Variants in PTK2B observed in about 807,000 individuals in gnomAD.
PTK2B encodes the protein protein tyrosine kinase 2 beta.
Under a neutral mutation model 142.9 loss-of-function variants are expected in PTK2B, and 71 were observed. The observed-to-expected ratio is 0.50, with a 90% CI of 0.41 to 0.61. PTK2B has a LOEUF of 0.61. PTK2B is among the 20% of genes least tolerant of loss of function. The pLI, the probability that PTK2B is intolerant of heterozygous loss-of-function variation, is 0.00. For missense variants in PTK2B, 1,105 were observed against 1,320.4 expected (o/e 0.84, Z 2.53); for synonymous variants, 519 against 503.4 (o/e 1.03, Z -0.42).
At chr8:27,335,316 A>G (rs1266625375) in intron 1 of PTK2B, among the ~76,000 whole-genome samples, 1 of 152,208 alleles carries the variant, frequency 6.6e-6, no homozygotes, top group East Asian at 1.9e-4. Flanking sequence ...TTCAGGGCCA[A>G]TTGCAGTGAC....
intron 1 of PTK2B, among the ~76,000 whole-genome samples, chr8:27,338,882 A>G (rs1275491796): frequency 6.6e-6 from 1 of 152,244 alleles, no homozygotes; most frequent in Non-Finnish European, 1.5e-5. Flanking sequence ...GGACTCATGA[A>G]TGAATGAACA....
At chr8:27,430,458 C>A in intron 7 of PTK2B, 40 bp downstream of exon 7, 1 of 1,609,516 alleles carries the variant, frequency 6.2e-7, no homozygotes, top group Non-Finnish European at 8.5e-7. Context: ...CGTGCTGATT[C>A]CCGAGACTAG....
Position 27,440,416 on chromosome 8 carries a change from T to C in PTK2B, c.2014T>C (p.Phe672Leu). The C allele has an allele frequency of 1.2e-6, 2 of 1,613,972 alleles. No homozygotes were observed. The highest frequency in any genetic ancestry group is 1.7e-6 in the Non-Finnish European group (2 of 1,180,010). Reference protein sequence around the residue: ...WDYDPSDRPRFTELVCSLSDV... With the variant: ...WDYDPSDRPRLTELVCSLSDV... ...CTACGACCCCAGTGACCGGCCCCGC[T>C]TCACCGAGCTGGTGTGCAGCCTCAG... is the stretch of plus-strand genomic sequence containing the variant. Residue 672 changes from phenylalanine (F) to leucine (L), a missense_variant, in exon 21 of 31, where the codon TTC becomes CTC. Coordinates refer to ENST00000346049, the MANE Select transcript of PTK2B (RefSeq NM_173176.3).
chr8:27,343,972 C>T (rs1418810204), intron 1 of PTK2B, among the ~76,000 whole-genome samples: 5 of 152,014 alleles, frequency 3.3e-5, no homozygotes, highest in South Asian at 2.1e-4. Flanking sequence ...CACTGCACTC[C>T]AGCCTGGATG....
At chr8:27,373,481 T>C (rs1806481538) in intron 1 of PTK2B, among the ~76,000 whole-genome samples, 1 of 152,104 alleles carries the variant, frequency 6.6e-6, no homozygotes, top group Non-Finnish European at 1.5e-5. Context: ...AGAGGACCCG[T>C]TGCTCCTCCC....
chr8:27,454,119 C>A, intron 28 of PTK2B, 35 bp from the exon 29 acceptor site: 2 of 1,613,572 alleles, frequency 1.2e-6, no homozygotes, highest in Non-Finnish European at 1.7e-6. Flanking sequence ...CCCTGGCTCT[C>A]CCCAACTCAC....
chr8:27,446,380 C>G (rs1811470811), intron 24 of PTK2B, among the ~76,000 whole-genome samples: 1 of 152,164 alleles, frequency 6.6e-6, no homozygotes, highest in Non-Finnish European at 1.5e-5. Flanking sequence ...GTTCAGGCTG[C>G]TGCTGGGTGA....
At chr8:27,427,198 A>T (rs868729702) in intron 5 of PTK2B, among the ~76,000 whole-genome samples, 1 of 152,122 alleles carries the variant, frequency 6.6e-6, no homozygotes, top group Non-Finnish European at 1.5e-5. Context: ...TGTCCTCTAC[A>T]TACATAGGAA....
At chr8:27,350,482 C>G (rs1332170110) in intron 1 of PTK2B, among the ~76,000 whole-genome samples, 1 of 152,136 alleles carries the variant, frequency 6.6e-6, no homozygotes, top group Admixed American at 6.5e-5. Context: ...ATATCTATTT[C>G]AATAACCTTT....
At position 27,430,866 on chromosome 8, in the gene PTK2B, C is replaced by T. The variant is rs1330263257; in HGVS notation, c.670-10C>T. The T allele has an allele frequency of 2.5e-6, 4 of 1,612,954 alleles. No individual in the cohort carries two copies. The highest frequency in any genetic ancestry group is 1.7e-5 in the Admixed American group (1 of 59,966). On this transcript the variant is annotated splice_polypyrimidine_tract_variant and intron_variant, in intron 7 of 30. Transcript: ENST00000346049. ...CAGGCATTGCTCACACGGCCCATCC[C>T]CTCCCCCAGCCCAAACAGTTCCGGA...
At chr8:27,326,084 G>T (rs186873424) in intron 1 of PTK2B, among the ~76,000 whole-genome samples, 18 of 152,156 alleles carry the variant, frequency 1.2e-4, no homozygotes, top group Admixed American at 2.6e-4. Context: ...GGGCCCTTCC[G>T]CAGCCCCAGG....
intron 1 of PTK2B, among the ~76,000 whole-genome samples, chr8:27,343,714 C>T (rs973084342): frequency 6.6e-6 from 1 of 152,176 alleles, no homozygotes; most frequent in African/African-American, 2.4e-5. Flanking sequence ...AAAAAAATTT[C>T]TTTCGCCAGG....
intron 1 of PTK2B, among the ~76,000 whole-genome samples, chr8:27,391,021 C>T (rs371716910): frequency 1.2e-4 from 18 of 152,108 alleles, no homozygotes; most frequent in African/African-American, 3.4e-4. Context: ...TCCCTGACAT[C>T]ATACGGCCTT....
At chr8:27,339,961 C>G (rs912686617) in intron 1 of PTK2B, among the ~76,000 whole-genome samples, 1 of 152,246 alleles carries the variant, frequency 6.6e-6, no homozygotes, top group Non-Finnish European at 1.5e-5. Context: ...CGGAGTCTCA[C>G]CTATCCTAGC....
chr8:27,310,853 C>T (rs1458837843), upstream of PTK2B: 5 of 1,609,412 alleles, frequency 3.1e-6, no homozygotes, highest in African/African-American at 6.7e-5. Flanking sequence ...CCCCTGGTGT[C>T]GGGGGTCGGC....
At chr8:27,396,610 A>C (rs531507220) in intron 1 of PTK2B, among the ~76,000 whole-genome samples, 1 of 152,310 alleles carries the variant, frequency 6.6e-6, no homozygotes, top group Non-Finnish European at 1.5e-5. Flanking sequence ...GATTATGTGG[A>C]GCTAAGGCCG....
chr8:27,450,975 T>C, intron 25 of PTK2B, 68 bp from the exon 26 acceptor site: 1 of 1,610,366 alleles, frequency 6.2e-7, no homozygotes, highest in East Asian at 2.2e-5. Context: ...GGGGCAAGGG[T>C]CCCCTGCATT....
intron 2 of PTK2B, among the ~76,000 whole-genome samples, chr8:27,401,301 A>C (rs999967900): frequency 2.0e-5 from 3 of 152,226 alleles, no homozygotes; most frequent in Non-Finnish European, 4.4e-5. Flanking sequence ...TGAGGAGCCC[A>C]AGGCAGAGGG....
chr8:27,451,552 C>T, intron 27 of PTK2B, 43 bp downstream of exon 27: 1 of 1,613,638 alleles, frequency 6.2e-7, no homozygotes. Context: ...CTCTTGGCAC[C>T]TTGTGCAGAG....
Sources: gnomAD v4.1 joint callset for allele counts (sites outside exome capture counted in the v4.1 genomes callset) on GRCh38, gnomAD v4.1.1 for gene constraint, MANE v1.5 for transcripts, NCBI Gene and HGNC (gene_info 2026-07-23, HGNC 2026-07-21) for gene names.